Variants in GCM1 observed in about 807,000 individuals in gnomAD.
The protein encoded by GCM1 is chorion-specific transcription factor GCMa.
A neutral mutation model predicts 25.7 loss-of-function variants in GCM1; 2 were observed. The observed-to-expected ratio is 0.08, with a 90% CI of 0.03 to 0.24. The LOEUF is 0.24. Ranked by LOEUF, GCM1 falls within the 10% of genes least tolerant of loss-of-function variation. The probability of loss-of-function intolerance (pLI) is 1.00; values close to 1 mark genes in which losing one functional copy is unlikely to be tolerated. For synonymous variants in GCM1, 183 were observed against 195.7 expected (o/e 0.94, Z 0.54); for missense variants, 395 against 538.7 (o/e 0.73, Z 2.64).
chr6:53,144,118 C>G (rs1763918903), intron 2 of GCM1, among the ~76,000 whole-genome samples: 1 of 152,146 alleles, frequency 6.6e-6, no homozygotes, highest in Admixed American at 6.5e-5. Flanking sequence ...AAGAAGTAAA[C>G]AGTGATACAT....
At position 53,127,532 on chromosome 6, in the gene GCM1, C is replaced by T. The variant is rs1477920416; in HGVS notation, c.*674G>A. ...TCAGGTCCTAGATAGGTTAGCATTT[C>T]ACATGTCTACTCCATTTCATTTGCA... is the stretch of plus-strand genomic sequence containing the variant. On this transcript the variant is annotated 3_prime_UTR_variant, in exon 6 of 6. Coordinates refer to ENST00000259803, the MANE Select transcript of GCM1 (RefSeq NM_003643.4). 1 of 152,190 alleles carries T rather than the reference C, an allele frequency of 6.6e-6. No homozygotes were observed. Among genetic ancestry groups the T allele is most frequent in the African/African-American group, 2.4e-5 (1 of 41,428 alleles). The allele number at this position is 152,190 out of a possible 1,614,324, so 9.4% of individuals were successfully genotyped here.
intron 1 of GCM1, among the ~76,000 whole-genome samples, 199 bp downstream of exon 1, chr6:53,148,554 TA>T (rs1386476231): frequency 6.6e-6 from 1 of 152,238 alleles, no homozygotes; most frequent in Non-Finnish European, 1.5e-5. Context: ...AGCCCTTAAG[TA>T]AACTCTGTTT....
Position 53,128,472 on chromosome 6 carries a change from T to C in GCM1, c.1045A>G (p.Lys349Glu), listed in dbSNP as rs1377449966. The change falls in exon 6 of 6, where the codon AAA (lysine) becomes GAA (glutamate). Residue 349 changes from lysine to glutamate, a missense_variant. Physicochemically the swap from Lys to Glu is moderately conservative, Grantham distance 56. This residue lies in a region of GCM1 where 291 missense variants were observed against 314.6 expected (regional missense o/e 0.92). Coordinates refer to ENST00000259803, the MANE Select transcript of GCM1 (RefSeq NM_003643.4). ...GGCCATAATGGGGGACAGCCAGTTT[T>C]GGCTGCAGGTGGCTCCAATGGAAGC... ...QQLPLEPPAA[K>E]TGCPPLWPNP... is the part of the protein sequence containing the mutation. The C allele has an allele frequency of 6.2e-7, 1 of 1,614,080 alleles. No homozygotes were observed. Among genetic ancestry groups the C allele is most frequent in the Non-Finnish European group, 8.5e-7 (1 of 1,180,028 alleles).
chr6:53,136,300 T>C (rs1319636979), intron 2 of GCM1, among the ~76,000 whole-genome samples: 2 of 152,224 alleles, frequency 1.3e-5, no homozygotes, highest in Non-Finnish European at 2.9e-5. Context: ...AAGACTACAA[T>C]ATTTACTATC....
At chr6:53,130,684 G>A (rs1721099163) in intron 5 of GCM1, 119 bp downstream of exon 5, 1 of 738,196 alleles carries the variant, frequency 1.4e-6, no homozygotes, top group Non-Finnish European at 2.2e-6. Context: ...TTGTAGATGA[G>A]CCTGATAATC....
intron 2 of GCM1, among the ~76,000 whole-genome samples, chr6:53,143,203 T>C (rs1156354377): frequency 6.6e-6 from 1 of 152,234 alleles, no homozygotes; most frequent in Non-Finnish European, 1.5e-5. Flanking sequence ...CTTAGTACTT[T>C]TTAATGAACT....
chr6:53,136,979 T>TA (rs879299005), intron 2 of GCM1, among the ~76,000 whole-genome samples: 2,243 of 139,278 alleles, frequency 0.016, 42 homozygotes, highest in African/African-American at 0.053. Context: ...TCTGTTTCAA[T>TA]AAAAAAAAAA....
At chr6:53,131,213 C>T (rs1055854536) in intron 4 of GCM1, among the ~76,000 whole-genome samples, 2 of 152,142 alleles carry the variant, frequency 1.3e-5, no homozygotes, top group Non-Finnish European at 2.9e-5. Context: ...CCCTGTGTGC[C>T]TTATATCTCA....
Position 53,127,091 on chromosome 6 carries a change from C to T in GCM1, c.*1115G>A, listed in dbSNP as rs1015112553. 1.3e-5 allele frequency: 2 copies of T among 152,246 alleles called. No individual in the cohort carries two copies. The highest frequency in any genetic ancestry group is 2.9e-5 in the Non-Finnish European group (2 of 68,022). 9.4% of individuals were successfully genotyped at this position (152,246 alleles called of 1,614,324 possible). A position where few individuals can be genotyped will look rare whatever the true frequency, so the allele number is the denominator to read the frequency against. ...ACATGGCCGGCCAATCATTGCCAGG[C>T]TAATTGCACAAGAGCTTCTCCAAGC... On this transcript the variant is annotated 3_prime_UTR_variant, in exon 6 of 6. Coordinates refer to ENST00000259803, the MANE Select transcript of GCM1 (RefSeq NM_003643.4).
intron 2 of GCM1, among the ~76,000 whole-genome samples, chr6:53,135,864 T>C: frequency 6.6e-6 from 1 of 152,138 alleles, no homozygotes; most frequent in African/African-American, 2.4e-5. Context: ...ATTTACTGAG[T>C]TAGAATTCAA....
At chr6:53,141,990 G>A (rs1049226130) in intron 2 of GCM1, among the ~76,000 whole-genome samples, 1 of 85,152 alleles carries the variant, frequency 1.2e-5, no homozygotes, top group Non-Finnish European at 2.2e-5. Context: ...GGTAATGAGA[G>A]TGAGACCCTG....
chr6:53,145,002 GA>G (rs1229879295), intron 2 of GCM1, among the ~76,000 whole-genome samples: 40 of 144,202 alleles, frequency 2.8e-4, no homozygotes, highest in Middle Eastern at 3.3e-3. Context: ...GAGAAAGAAA[GA>G]AAAAAAGAAA....
chr6:53,130,757 C>T (rs574410647), intron 5 of GCM1, 46 bp downstream of exon 5: 20 of 1,552,648 alleles, frequency 1.3e-5, no homozygotes, highest in East Asian at 2.3e-5. Context: ...CCAGCACAGG[C>T]GTGGCAAGCT....
chr6:53,142,333 A>G (rs1426231772), intron 2 of GCM1, among the ~76,000 whole-genome samples: 1 of 152,200 alleles, frequency 6.6e-6, no homozygotes, highest in African/African-American at 2.4e-5. Context: ...GAAGGGCTTC[A>G]GGAAAAAAGT....
rs1763986851 is a variant in GCM1, at chr6:53,147,904, G to A, written c.-137+850C>T. ...GAAATTTCTCTAGTAACAAACTATA[G>A]AAATGATCCCTGAAAGTATAGTCTT... is the stretch of plus-strand genomic sequence containing the variant. On this transcript the variant is annotated intron_variant, in intron 1 of 5. Coordinates refer to ENST00000259803, the MANE Select transcript of GCM1 (RefSeq NM_003643.4). 2.0e-5 allele frequency among the ~76,000 whole-genome samples: 3 copies of A among 152,090 alleles called. No individual in the cohort carries two copies. In the South Asian group the frequency reaches 6.2e-4, roughly 32 times the overall value.
chr6:53,146,859 C>A (rs781085358), intron 1 of GCM1, among the ~76,000 whole-genome samples: 1 of 151,934 alleles, frequency 6.6e-6, no homozygotes, highest in African/African-American at 2.4e-5. Context: ...ATGCAGAAAC[C>A]GTGTTTATAC....
Position 53,128,129 on chromosome 6 carries a change from A to G in GCM1, c.*77T>C. On this transcript the variant is annotated 3_prime_UTR_variant, in exon 6 of 6. Transcript: ENST00000259803. Reference sequence around the variant, plus strand: ...TCATTTATCTGTGGTTATGTTTTAAAAATTATTTCCTAAGGAAATTCTTTC... The same window carrying G: ...TCATTTATCTGTGGTTATGTTTTAAGAATTATTTCCTAAGGAAATTCTTTC... 1 of 1,145,922 alleles carries G rather than the reference A, an allele frequency of 8.7e-7. No homozygotes were observed. The highest frequency in any genetic ancestry group is 1.2e-6 in the Non-Finnish European group (1 of 808,244). 71.0% of individuals were successfully genotyped at this position (1,145,922 alleles called of 1,614,324 possible).
At chr6:53,140,276 T>C (rs992696778) in intron 2 of GCM1, among the ~76,000 whole-genome samples, 1 of 152,102 alleles carries the variant, frequency 6.6e-6, no homozygotes, top group African/African-American at 2.4e-5. Flanking sequence ...AAATCCACAA[T>C]CTGGTTTACC....
At chr6:53,148,498 T>TA (rs965853244) in intron 1 of GCM1, among the ~76,000 whole-genome samples, 1 of 152,214 alleles carries the variant, frequency 6.6e-6, no homozygotes, top group African/African-American at 2.4e-5. Flanking sequence ...AATATTTCCC[T>TA]AAAAGTTAAG....
Sources: allele counts gnomAD v4.1 joint callset (sites outside exome capture counted in the v4.1 genomes callset), GRCh38; gene constraint gnomAD v4.1.1; regional missense constraint gnomAD v4.1.1; transcripts MANE v1.5; gene names NCBI Gene and HGNC (gene_info 2026-07-23, HGNC 2026-07-21).